YJU2: variants seen among roughly 807,000 people sequenced by gnomAD.
YJU2 encodes the protein splicing factor YJU2.
A neutral mutation model predicts 39.6 loss-of-function variants in YJU2; 28 were observed. The observed-to-expected ratio is 0.71, with a 90% CI of 0.52 to 0.97. The LOEUF is 0.97. Ranked by LOEUF, YJU2 falls within the 50% of genes least tolerant of loss-of-function variation. YJU2 has a pLI of 0.00. For synonymous variants in YJU2, 184 were observed against 182.4 expected, an observed-to-expected ratio of 1.01 and a Z score of -0.07; for missense variants, 328 against 430.4, an observed-to-expected ratio of 0.76 and a Z score of 2.11.
At chr19:4,252,492 T>G (rs1450929447) in intron 3 of YJU2, among the ~76,000 whole-genome samples, 1 of 151,836 alleles carries the variant, frequency 6.6e-6, no homozygotes, top group African/African-American at 2.4e-5. Flanking sequence ...TAGTCCCAGC[T>G]ACTCGGGAGG....
In YJU2 at chr19:4,249,361, T is replaced by C. The variant is rs781694380; in HGVS notation, c.125+33T>C. The C allele has an allele frequency of 2.1e-5, 30 of 1,444,486 alleles. No homozygotes were observed. The Admixed American group carries it at 5.2e-4, about 25-fold the overall frequency. The allele number at this position is 1,444,486 out of a possible 1,614,324, so 89.5% of individuals were successfully genotyped here. ...CCCCCTGCGTGACCCCACACACCAGTCATGGCTGAAGGACGCAGTGCCTGG... is the reference window on the plus strand; with the variant it reads ...CCCCCTGCGTGACCCCACACACCAGCCATGGCTGAAGGACGCAGTGCCTGG... On this transcript the variant is annotated intron_variant, in intron 2 of 7. Transcript: ENST00000262962.
chr19:4,256,663 C>T (rs1971023710), intron 4 of YJU2, among the ~76,000 whole-genome samples: 1 of 152,178 alleles, frequency 6.6e-6, no homozygotes, highest in Non-Finnish European at 1.5e-5. Flanking sequence ...CTTGGGGGCT[C>T]CCATGAGGTT....
In YJU2 at chr19:4,267,761, G is replaced by A. The variant is rs775226537; in HGVS notation, c.846G>A (p.Ala282=). ...DPDCSNGQPQ[A]APTPGAPQNR... ...ACTGCAGCAACGGGCAGCCTCAGGC[G>A]GCCCCCACCCCAGGTAAGGTCACAG... is the stretch of plus-strand genomic sequence containing the variant. The change falls in exon 7 of 8, where the codon GCG becomes GCA. Residue 282 remains alanine, a synonymous_variant. Transcript: ENST00000262962. 4.3e-5 allele frequency: 70 copies of A among 1,611,974 alleles called. No individual in the cohort carries two copies. Among genetic ancestry groups the A allele is most frequent in the Non-Finnish European group, 4.2e-5 (50 of 1,179,394 alleles).
intron 6 of YJU2, among the ~76,000 whole-genome samples, chr19:4,262,753 C>T (rs1971082327): frequency 6.6e-6 from 1 of 151,694 alleles, no homozygotes; most frequent in Non-Finnish European, 1.5e-5. Flanking sequence ...TACAAAATTA[C>T]AAAAATTAGT....
intron 7 of YJU2, 138 bp from the exon 8 acceptor site, chr19:4,268,446 T>C: frequency 1.6e-6 from 1 of 613,764 alleles, no homozygotes; most frequent in Non-Finnish European, 2.9e-6. Flanking sequence ...TCCCATCAGG[T>C]GCCATCCAGA....
rs774742227 is a variant in YJU2 at position 4,268,698 on chromosome 19, C to A, written c.*2C>A. 1.2e-6 allele frequency: 2 copies of A among 1,606,778 alleles called. No homozygotes were observed. The highest frequency in any genetic ancestry group is 2.2e-5 in the East Asian group (1 of 44,794). On this transcript the variant is annotated 3_prime_UTR_variant, in exon 8 of 8. Transcript: ENST00000262962. Reference sequence around the variant, plus strand: ...GACGACAGCAACGGCAGCAACTGAGCCCTCCCAGGACCCCCTCACGGGGTC... The same window carrying A: ...GACGACAGCAACGGCAGCAACTGAGACCTCCCAGGACCCCCTCACGGGGTC...
chr19:4,258,564 C>T, intron 5 of YJU2, 141 bp downstream of exon 5: 2 of 1,346,550 alleles, frequency 1.5e-6, no homozygotes, highest in East Asian at 2.5e-5. Flanking sequence ...TCACTTTCTC[C>T]CTTGTGGCGT....
At chr19:4,256,685 G>A (rs1237815639) in intron 4 of YJU2, among the ~76,000 whole-genome samples, 1 of 152,210 alleles carries the variant, frequency 6.6e-6, no homozygotes, top group Admixed American at 6.6e-5. Flanking sequence ...CAGTCAAGGT[G>A]TTGGCCAGGG....
At chr19:4,265,675 G>T (rs375107850) in intron 6 of YJU2, among the ~76,000 whole-genome samples, 128 of 151,582 alleles carry the variant, frequency 8.4e-4, no homozygotes, top group African/African-American at 3.0e-3. Context: ...TGCAACCTCC[G>T]GCTCCCAGCC....
Position 4,247,639 on chromosome 19 carries a change from GTGTGTGTGT to G in YJU2, c.24+470_24+478del, listed in dbSNP as rs1970938975. ...TGTGTGTGTGTGTGTGTGTGTGTGT[GTGTGTGTGT>G]GTGTGTGTGTGTGTGTGTGTGTGTG... On this transcript the variant is annotated intron_variant, in intron 1 of 7. Coordinates refer to ENST00000262962, the MANE Select transcript of YJU2 (RefSeq NM_018074.6). 6.6e-4 allele frequency among the ~76,000 whole-genome samples: 44 copies of G among 66,692 alleles called. 4 individuals carry two copies. Among genetic ancestry groups the G allele is most frequent in the African/African-American group, 1.6e-3 (19 of 11,874 alleles). 43.8% of individuals were successfully genotyped at this position (66,692 alleles called of 152,430 possible). A position where few individuals can be genotyped will look rare whatever the true frequency, so the allele number is the denominator to read the frequency against.
intron 7 of YJU2, 27 bp downstream of exon 7, chr19:4,267,801 G>A (rs1014545799): frequency 1.8e-5 from 29 of 1,595,474 alleles, no homozygotes; most frequent in Non-Finnish European, 2.3e-5. Flanking sequence ...CCCAGAGCCG[G>A]GCGCGGTTTC....
chr19:4,257,618 C>T (rs1971032014), intron 4 of YJU2, among the ~76,000 whole-genome samples: 1 of 152,154 alleles, frequency 6.6e-6, no homozygotes, highest in African/African-American at 2.4e-5. Flanking sequence ...GGATTACAGG[C>T]ACATGCCACT....
rs1568362372 is a variant in YJU2 at position 4,258,298 on chromosome 19, C to G, written c.462C>G (p.Leu154=). ...TGGAGATGGAGGTGCTGGAGAACCT[C>G]CAGGAGCTGAAAGACCTGAACCAGC... The part of the protein sequence containing the change: ...SKLEMEVLEN[L]QELKDLNQRQ... The change falls in exon 5 of 8, where the codon CTC becomes CTG. Residue 154 remains leucine, a synonymous_variant. Transcript: ENST00000262962. The G allele has an allele frequency of 1.9e-6, 3 of 1,566,288 alleles. No individual in the cohort carries two copies. Among genetic ancestry groups the G allele is most frequent in the Non-Finnish European group, 2.6e-6 (3 of 1,155,124 alleles).
At chr19:4,256,181 AATATATATAT>A (rs1555725229) in intron 4 of YJU2, among the ~76,000 whole-genome samples, 4,053 of 125,852 alleles carry the variant, frequency 0.032, 191 homozygotes, top group African/African-American at 0.12. Flanking sequence ...AAAAAAAAAA[AATATATATAT>A]ATATATATAT....
chr19:4,264,610 C>T (rs898956522), intron 6 of YJU2, among the ~76,000 whole-genome samples: 1 of 151,924 alleles, frequency 6.6e-6, no homozygotes, highest in African/African-American at 2.4e-5. Flanking sequence ...CCTCAGCCTC[C>T]CAAGTAGCTG....
Position 4,262,198 on chromosome 19 carries a change from T to TTTTTTG in YJU2, c.708+96_708+101dup, listed in dbSNP as rs1971076960. ...GGGGTCAGCTTGACTTTTTCTTTTG[T>TTTTTTG]TTTTTGTTTTTGTTTTTTGAGACGG... On this transcript the variant is annotated intron_variant, in intron 6 of 7. Transcript: ENST00000262962. 3.5e-6 allele frequency: 5 copies of TTTTTTG among 1,448,258 alleles called. No individual in the cohort carries two copies. The East Asian group carries it at 9.3e-5, about 27-fold the overall frequency. The allele number at this position is 1,448,258 out of a possible 1,614,324, so 89.7% of individuals were successfully genotyped here. A position where few individuals can be genotyped will look rare whatever the true frequency, so the allele number is the denominator to read the frequency against.
At chr19:4,256,178 AAAAATATAT>A (rs1241009431) in intron 4 of YJU2, among the ~76,000 whole-genome samples, 106 of 97,090 alleles carry the variant, frequency 1.1e-3, no homozygotes, top group East Asian at 2.5e-3. Flanking sequence ...GCAAAAAAAA[AAAAATATAT>A]ATATATATAT....
Position 4,262,113 on chromosome 19 carries a change from AG to A in YJU2, c.708+1del. On this transcript the variant is annotated frameshift_variant and splice_region_variant, in exon 6 of 8. Coordinates refer to ENST00000262962, the MANE Select transcript of YJU2 (RefSeq NM_018074.6). LOFTEE classifies it high-confidence loss of function. ...CCCAACCCCACCGCCATCCTGGATGAGGTAAGTGGGGTGCCTGAGTCCTGGG... is the reference window on the plus strand; with the variant it reads ...CCCAACCCCACCGCCATCCTGGATGAGTAAGTGGGGTGCCTGAGTCCTGGG... ...LRPNPTAILD[E>X]APKPKRKVEV... 1 of 1,607,814 alleles carries A rather than the reference AG, an allele frequency of 6.2e-7. No homozygotes were observed. Among genetic ancestry groups the A allele is most frequent in the Non-Finnish European group, 8.5e-7 (1 of 1,178,662 alleles).
chr19:4,260,031 A>G (rs1473564588), intron 5 of YJU2, among the ~76,000 whole-genome samples: 1 of 151,944 alleles, frequency 6.6e-6, no homozygotes, highest in Non-Finnish European at 1.5e-5. Context: ...CATGAGCCCC[A>G]CCAAGGTTAC....
Sources: allele counts gnomAD v4.1 joint callset (sites outside exome capture counted in the v4.1 genomes callset), GRCh38; gene constraint gnomAD v4.1.1; transcripts MANE v1.5; gene names NCBI Gene and HGNC (gene_info 2026-07-23, HGNC 2026-07-21).